The following SPEN variants were observed in gnomAD, a reference collection of about 807,000 sequenced individuals.
SPEN encodes spen family transcriptional repressor.
In SPEN, 18 loss-of-function variants were observed where a neutral mutation model predicts 269.9. The ratio of observed to expected loss-of-function variants is 0.07; its 90% CI spans 0.05 to 0.10. The LOEUF (loss-of-function observed/expected upper bound fraction) is 0.10. SPEN is among the 10% of genes least tolerant of loss of function. The pLI is 1.00. For synonymous variants in SPEN, 1,726 were observed against 1,765.7 expected (o/e 0.98, Z 0.56); for missense variants, 3,822 against 4,631.2 (o/e 0.83, Z 5.07).
intron 3 of SPEN, among the ~76,000 whole-genome samples, chr1:15,902,209 G>A (rs1013340388): frequency 5.3e-5 from 8 of 152,092 alleles, no homozygotes; most frequent in Non-Finnish European, 7.4e-5. Context: ...GATTACAGGC[G>A]TGAGCCACTG....
chr1:15,866,534 T>C (rs996968112), intron 1 of SPEN, among the ~76,000 whole-genome samples: 2 of 152,142 alleles, frequency 1.3e-5, no homozygotes, highest in African/African-American at 4.8e-5. Flanking sequence ...TTTGTATTTT[T>C]AGTAGAGACG....
At chr1:15,887,522 C>T (rs1225457458) in intron 3 of SPEN, among the ~76,000 whole-genome samples, 2 of 146,054 alleles carry the variant, frequency 1.4e-5, no homozygotes, top group Non-Finnish European at 3.0e-5. Context: ...GTCTTGATCT[C>T]CTGACCTCAT....
intron 1 of SPEN, among the ~76,000 whole-genome samples, chr1:15,872,008 G>A (rs906951812): frequency 1.3e-5 from 2 of 151,934 alleles, no homozygotes; most frequent in Non-Finnish European, 2.9e-5. Flanking sequence ...GCCAAGGCAG[G>A]CAGATCACCT....
intron 2 of SPEN, chr1:15,873,560 G>C: frequency 7.0e-6 from 7 of 994,650 alleles, no homozygotes; most frequent in Non-Finnish European, 8.4e-6. Context: ...GTTGATATCT[G>C]CCTCTCCATT....
intron 4 of SPEN, among the ~76,000 whole-genome samples, chr1:15,909,836 A>G (rs1246939230): frequency 6.6e-6 from 1 of 152,144 alleles, no homozygotes; most frequent in Non-Finnish European, 1.5e-5. Context: ...ATTATTTACT[A>G]AAATAGGGGC....
In SPEN at chr1:15,928,013, TTC is replaced by T. The variant is rs2071183795; in HGVS notation, c.1851-76_1851-75del. ...CAAAAGATTTTTTAGAAGCAGGAAT[TTC>T]TGATTTCATATGTATGATTTTATGC... On this transcript the variant is annotated intron_variant, in intron 10 of 14. Coordinates refer to ENST00000375759, the MANE Select transcript of SPEN (RefSeq NM_015001.3). This position sits in a 1 kb window ranked among gnomAD's most constrained non-coding sequence, Gnocchi z 5.7. 7.6e-7 allele frequency: 1 copy of T among 1,321,436 alleles called. No individual in the cohort carries two copies. Among genetic ancestry groups the T allele is most frequent in the Non-Finnish European group, 1.0e-6 (1 of 966,042 alleles). The allele number at this position is 1,321,436 out of a possible 1,614,324, so 81.9% of individuals were successfully genotyped here.
At chr1:15,906,453 C>CTTTTTTTTT (rs200731520) in intron 3 of SPEN, among the ~76,000 whole-genome samples, 33 of 92,536 alleles carry the variant, frequency 3.6e-4, no homozygotes, top group African/African-American at 4.6e-4. Context: ...TCTTTCTTTC[C>CTTTTTTTTT]TTTTTTTTTT....
chr1:15,887,371 C>T (rs954030386), intron 3 of SPEN, among the ~76,000 whole-genome samples: 3 of 149,932 alleles, frequency 2.0e-5, no homozygotes, highest in African/African-American at 7.4e-5. Context: ...AGCTCCGCCT[C>T]CCGGGTTCAC....
chr1:15,857,637 G>A (rs7540449), intron 1 of SPEN, among the ~76,000 whole-genome samples: 60,886 of 151,712 alleles, frequency 0.4, 12,586 homozygotes, highest in East Asian at 0.69. Context: ...TATTACAGGC[G>A]TGAGCCACCG....
intron 1 of SPEN, among the ~76,000 whole-genome samples, chr1:15,870,698 T>C (rs925690645): frequency 2.6e-5 from 4 of 152,212 alleles, no homozygotes; most frequent in Admixed American, 1.3e-4. Context: ...AAATTAATCA[T>C]TGCATTCCTA....
At chr1:15,903,533 G>T (rs1428431634) in intron 3 of SPEN, among the ~76,000 whole-genome samples, 2 of 152,102 alleles carry the variant, frequency 1.3e-5, no homozygotes, top group African/African-American at 4.8e-5. Flanking sequence ...GACCACAGGC[G>T]CATGCCACCA....
At position 15,939,544 on chromosome 1, in the gene SPEN, G is replaced by A. The variant is rs2071315680; in HGVS notation, c.*117G>A. 7 of 1,314,626 alleles carry A rather than the reference G, an allele frequency of 5.3e-6. No homozygotes were observed. Among genetic ancestry groups the A allele is most frequent in the African/African-American group, 1.5e-5 (1 of 65,546 alleles). 81.4% of individuals were successfully genotyped at this position (1,314,626 alleles called of 1,614,324 possible). On this transcript the variant is annotated 3_prime_UTR_variant, in exon 15 of 15. Coordinates refer to ENST00000375759, the MANE Select transcript of SPEN (RefSeq NM_015001.3). The surrounding 1 kb of genome is among the most constrained non-coding windows in gnomAD (Gnocchi z 4.1). ...AAGGGGACAGACTCCACTGCCAGAC[G>A]GCCAGCCGTTTGCTGTCCTGCCGCC...
At chr1:15,879,338 TG>T (rs2070664675) in intron 3 of SPEN, among the ~76,000 whole-genome samples, 1 of 152,078 alleles carries the variant, frequency 6.6e-6, no homozygotes, top group African/African-American at 2.4e-5. Context: ...TATACTTTGA[TG>T]GGAGTATAAT....
intron 3 of SPEN, among the ~76,000 whole-genome samples, chr1:15,877,993 C>T (rs1167625672): frequency 6.6e-6 from 1 of 152,084 alleles, no homozygotes; most frequent in Non-Finnish European, 1.5e-5. Flanking sequence ...GATTCACCTG[C>T]CTTGGCCTCC....
intron 1 of SPEN, among the ~76,000 whole-genome samples, chr1:15,857,365 T>G: frequency 7.1e-6 from 1 of 140,978 alleles, no homozygotes; most frequent in African/African-American, 2.7e-5. Context: ...GCACCCAGCC[T>G]TTTTTTTTTG....
At chr1:15,873,882 GA>G in intron 2 of SPEN, 2 of 1,100,172 alleles carry the variant, frequency 1.8e-6, no homozygotes, top group Non-Finnish European at 2.2e-6. Flanking sequence ...CTAGCCCAGG[GA>G]AAGAGGATTA....
Position 15,933,410 on chromosome 1 carries a change from C to G in SPEN, c.7170C>G (p.Pro2390=). The G allele has an allele frequency of 1.9e-6, 3 of 1,614,106 alleles. No individual in the cohort carries two copies. Among genetic ancestry groups the G allele is most frequent in the Non-Finnish European group, 2.5e-6 (3 of 1,180,028 alleles). ...AGGAAGAAAAGCAGAGTGAGAAACC[C>G]CATTCCACTCCTCCTCAGTCATGTA... The part of the protein sequence containing the change: ...APQEEKQSEK[P]HSTPPQSCTS... Residue 2390 remains proline, a synonymous_variant, in exon 11 of 15, where the codon CCC becomes CCG. Coordinates refer to ENST00000375759, the MANE Select transcript of SPEN (RefSeq NM_015001.3). This position sits in a 1 kb window ranked among gnomAD's most constrained non-coding sequence, Gnocchi z 5.7.
intron 3 of SPEN, among the ~76,000 whole-genome samples, chr1:15,877,630 C>T (rs374728064): frequency 2.0e-5 from 3 of 151,302 alleles, no homozygotes; most frequent in South Asian, 2.1e-4. Context: ...AACTTAGCTT[C>T]AAACCTAGTT....
chr1:15,894,667 A>G (rs1420346412), intron 3 of SPEN, among the ~76,000 whole-genome samples: 3 of 150,638 alleles, frequency 2.0e-5, no homozygotes. Context: ...CAGCCTCCAG[A>G]ATAGCTGGGA....
Sources: gnomAD v4.1 joint callset for allele counts (sites outside exome capture counted in the v4.1 genomes callset) on GRCh38, gnomAD v4.1.1 for gene constraint, Gnocchi (gnomAD v3.1) non-coding constraint, MANE v1.5 for transcripts, NCBI Gene and HGNC (gene_info 2026-07-23, HGNC 2026-07-21) for gene names.